CREBRF: variants seen among roughly 807,000 people sequenced by gnomAD.
CREBRF encodes the protein UPF0474 protein C5orf41.
In CREBRF, 5 loss-of-function variants were observed where a neutral mutation model predicts 66.1. That is an observed-to-expected ratio of 0.08 (90% CI 0.04 to 0.16). The LOEUF (loss-of-function observed/expected upper bound fraction) is 0.16, where lower values mean the gene tolerates loss of function less well. CREBRF is among the 10% of genes least tolerant of loss of function. The pLI, the probability that CREBRF is intolerant of heterozygous loss-of-function variation, is 1.00. For missense variants in CREBRF, 531 were observed against 744.9 expected, an observed-to-expected ratio of 0.71 and a Z score of 3.34; for synonymous variants, 229 against 264.4, an observed-to-expected ratio of 0.87 and a Z score of 1.30.
chr5:173,104,267 C>G (rs993528466), intron 4 of CREBRF, among the ~76,000 whole-genome samples: 2 of 152,226 alleles, frequency 1.3e-5, no homozygotes, highest in African/African-American at 4.8e-5. Context: ...CCATATCTCA[C>G]GGTAACAGTG....
In CREBRF at chr5:173,133,787, T is replaced by A. The variant is rs1354388037; in HGVS notation, c.*42T>A. On this transcript the variant is annotated 3_prime_UTR_variant, in exon 9 of 9. Coordinates refer to ENST00000296953, the MANE Select transcript of CREBRF (RefSeq NM_153607.3). ...ACTGGTCAGAAATGTCTGCGTTTTG[T>A]CACGTTATCCATTGTAAATTTTCAT... 9.4e-7 allele frequency: 1 copy of A among 1,065,640 alleles called. No homozygotes were observed. Among genetic ancestry groups the A allele is most frequent in the East Asian group, 2.5e-5 (1 of 40,720 alleles). 66.0% of individuals were successfully genotyped at this position (1,065,640 alleles called of 1,614,324 possible). A position where few individuals can be genotyped will look rare whatever the true frequency, so the allele number is the denominator to read the frequency against.
At position 173,137,709 on chromosome 5, in the gene CREBRF, C is replaced by T. The variant is rs1013371444; in HGVS notation, c.*3964C>T. ...TTTATATATATATATAATATTCATACAATGATCTGATGTTTGCCTTCATTA... is the reference window on the plus strand; with the variant it reads ...TTTATATATATATATAATATTCATATAATGATCTGATGTTTGCCTTCATTA... On this transcript the variant is annotated 3_prime_UTR_variant, in exon 9 of 9. Transcript: ENST00000296953. The T allele has an allele frequency of 1.3e-5, 2 of 151,746 alleles. No individual in the cohort carries two copies. Among genetic ancestry groups the T allele is most frequent in the Non-Finnish European group, 2.9e-5 (2 of 67,902 alleles). 9.4% of individuals were successfully genotyped at this position (151,746 alleles called of 1,614,324 possible). A position where few individuals can be genotyped will look rare whatever the true frequency, so the allele number is the denominator to read the frequency against.
chr5:173,130,462 C>T (rs989053399), intron 8 of CREBRF, among the ~76,000 whole-genome samples: 19 of 151,158 alleles, frequency 1.3e-4, no homozygotes, highest in Non-Finnish European at 1.0e-4. Flanking sequence ...AAGAATTGTA[C>T]GATGAACATA....
intron 4 of CREBRF, among the ~76,000 whole-genome samples, chr5:173,106,090 C>T (rs1758742097): frequency 6.6e-6 from 1 of 152,236 alleles, no homozygotes; most frequent in African/African-American, 2.4e-5. Context: ...AAAAATTAGA[C>T]TTCTAGAAAT....
intron 4 of CREBRF, among the ~76,000 whole-genome samples, chr5:173,098,903 A>C (rs1209670299): frequency 1.3e-5 from 2 of 148,880 alleles, no homozygotes; most frequent in Non-Finnish European, 3.0e-5. Flanking sequence ...TTGAGACAGA[A>C]TCTTACTCTG....
chr5:173,062,183 T>C (rs1757291231), intron 1 of CREBRF, among the ~76,000 whole-genome samples: 1 of 152,210 alleles, frequency 6.6e-6, no homozygotes, highest in Non-Finnish European at 1.5e-5. Flanking sequence ...TTCGGTCTGC[T>C]TGAAACCACT....
At chr5:173,122,860 G>C (rs910229320) in intron 7 of CREBRF, among the ~76,000 whole-genome samples, 1 of 141,918 alleles carries the variant, frequency 7.0e-6, no homozygotes, top group Non-Finnish European at 1.5e-5. Context: ...TTGGTTTTTT[G>C]TCCTTGCGAT....
intron 8 of CREBRF, among the ~76,000 whole-genome samples, chr5:173,129,655 A>G (rs1759363788): frequency 6.8e-6 from 1 of 148,062 alleles, no homozygotes. Context: ...TGCCCAGGAG[A>G]TGGAGGCTGC....
intron 4 of CREBRF, among the ~76,000 whole-genome samples, chr5:173,093,479 A>C (rs902960511): frequency 1.1e-4 from 17 of 152,258 alleles, no homozygotes; most frequent in Admixed American, 1.0e-3. Context: ...AAGAACATTT[A>C]AGATCTACTC....
At chr5:173,057,014 T>C (rs987316480) in intron 1 of CREBRF, among the ~76,000 whole-genome samples, 8 of 144,980 alleles carry the variant, frequency 5.5e-5, no homozygotes, top group Non-Finnish European at 9.1e-5. Context: ...GGGCTGGGGC[T>C]AGGGGGGTCC....
intron 1 of CREBRF, among the ~76,000 whole-genome samples, chr5:173,063,893 TA>T (rs1757356102): frequency 6.6e-6 from 1 of 151,476 alleles, no homozygotes; most frequent in African/African-American, 2.4e-5. Flanking sequence ...GGCTAATTTT[TA>T]TATTTTTAGT....
chr5:173,089,391 A>G (rs1242769031), intron 3 of CREBRF, among the ~76,000 whole-genome samples: 1 of 151,952 alleles, frequency 6.6e-6, no homozygotes, highest in Non-Finnish European at 1.5e-5. Flanking sequence ...TTTTGTATAT[A>G]CTTTTTAATT....
rs780723745 is a variant in CREBRF at position 173,059,256 on chromosome 5, C to CTTTTTTTTTTTTTTTTTT, written c.-192+2785_-192+2786insTTTTTTTTTTTTTTTTTT. 7.7e-5 allele frequency among the ~76,000 whole-genome samples: 9 copies of CTTTTTTTTTTTTTTTTTT among 117,640 alleles called. 1 individual carries two copies. Among genetic ancestry groups the CTTTTTTTTTTTTTTTTTT allele is most frequent in the Non-Finnish European group, 1.2e-4 (7 of 56,982 alleles). 77.2% of individuals were successfully genotyped at this position (117,640 alleles called of 152,430 possible). ...AGCTTATTTATCAGTTCTTCTTTTT[C>CTTTTTTTTTTTTTTTTTT]TTTTTTTTCTTTTTTTTTTTTTTTT... On this transcript the variant is annotated intron_variant, in intron 1 of 8. Coordinates refer to ENST00000296953, the MANE Select transcript of CREBRF (RefSeq NM_153607.3).
chr5:173,075,188 CTAA>C (rs1156811835), intron 1 of CREBRF, among the ~76,000 whole-genome samples: 2 of 152,108 alleles, frequency 1.3e-5, no homozygotes, highest in Non-Finnish European at 1.5e-5. Context: ...GCATGTTTTG[CTAA>C]TAATCATGAC....
chr5:173,108,913 C>A, intron 5 of CREBRF, 95 bp downstream of exon 5: 1 of 1,133,272 alleles, frequency 8.8e-7, no homozygotes, highest in South Asian at 1.5e-5. Flanking sequence ...GCATTCAGCC[C>A]TTCCTAGCAA....
chr5:173,082,769 C>T (rs1324012952), intron 2 of CREBRF, among the ~76,000 whole-genome samples: 2 of 150,858 alleles, frequency 1.3e-5, no homozygotes, highest in African/African-American at 4.9e-5. Context: ...TTAGGCCAGG[C>T]GTGGTGGTGC....
intron 8 of CREBRF, among the ~76,000 whole-genome samples, chr5:173,131,671 C>T (rs1027179850): frequency 2.0e-5 from 3 of 150,696 alleles, no homozygotes; most frequent in Admixed American, 6.7e-5. Context: ...AGTTTGATCA[C>T]ATGGTTAAGC....
chr5:173,132,798 C>T (rs1759505642), intron 8 of CREBRF, among the ~76,000 whole-genome samples: 1 of 150,254 alleles, frequency 6.7e-6, no homozygotes, highest in African/African-American at 2.5e-5. Flanking sequence ...AGGGTTTCTC[C>T]ATGTTGGTCA....
At chr5:173,101,397 C>T (rs1581687835) in intron 4 of CREBRF, among the ~76,000 whole-genome samples, 1 of 152,152 alleles carries the variant, frequency 6.6e-6, no homozygotes, top group Non-Finnish European at 1.5e-5. Context: ...TATGTTATCT[C>T]ACTCTCTTCT....
Sources: gnomAD v4.1 joint callset for allele counts (sites outside exome capture counted in the v4.1 genomes callset) on GRCh38, gnomAD v4.1.1 for gene constraint, MANE v1.5 for transcripts, NCBI Gene and HGNC (gene_info 2026-07-23, HGNC 2026-07-21) for gene names.